Variants in IL17RE observed in about 807,000 individuals in gnomAD.
The protein encoded by IL17RE is interleukin-17 receptor E.
Under a neutral mutation model 70.7 loss-of-function variants are expected in IL17RE, and 47 were observed. The ratio of observed to expected loss-of-function variants is 0.67; its 90% CI spans 0.53 to 0.85. The LOEUF (loss-of-function observed/expected upper bound fraction) is 0.85. Ranked by LOEUF, IL17RE falls within the 40% of genes least tolerant of loss-of-function variation. IL17RE has a pLI of 0.00. For synonymous variants in IL17RE, 372 were observed against 381.2 expected (o/e 0.98, Z 0.28); for missense variants, 850 against 893.9 (o/e 0.95, Z 0.63).
chr3:9,908,345 G>C (rs745441241), intron 7 of IL17RE, 38 bp downstream of exon 7: 1 of 1,573,274 alleles, frequency 6.4e-7, no homozygotes, highest in South Asian at 1.1e-5. Context: ...CCATGGCTCT[G>C]CTCCTAAGCC....
rs780288678 is a variant in IL17RE at position 9,914,783 on chromosome 3, C to G, written c.1447+6C>G. 2 of 1,612,454 alleles carry G rather than the reference C, an allele frequency of 1.2e-6. No homozygotes were observed. Among genetic ancestry groups the G allele is most frequent in the East Asian group, 2.2e-5 (1 of 44,870 alleles). On this transcript the variant is annotated splice_donor_region_variant and intron_variant, in intron 15 of 15. Transcript: ENST00000383814. ...CTGCCGGCGCCCACAGTCAGGTAAGCTCACCTGGGGTAACCTGGGAAGTCA... is the reference window on the plus strand; with the variant it reads ...CTGCCGGCGCCCACAGTCAGGTAAGGTCACCTGGGGTAACCTGGGAAGTCA...
In IL17RE at chr3:9,915,722, T is replaced by A; in HGVS notation, c.1919T>A (p.Leu640His). ...PFAEATSWGRLGARQRRQSRL... is the reference protein window; with the variant it reads ...PFAEATSWGRHGARQRRQSRL... Reference sequence around the variant, plus strand: ...GCAGAGGCCACCAGCTGGGGCCGCCTTGGGGCGCGGCAGCGCAGGCAGAGC... The same window carrying A: ...GCAGAGGCCACCAGCTGGGGCCGCCATGGGGCGCGGCAGCGCAGGCAGAGC... The change falls in exon 16 of 16, where the codon CTT becomes CAT. Residue 640 changes from leucine (L) to histidine (H), a missense_variant. Coordinates refer to ENST00000383814, the MANE Select transcript of IL17RE (RefSeq NM_153480.2). This position sits in a 1 kb window ranked among gnomAD's most constrained non-coding sequence, Gnocchi z 4.9. The A allele has an allele frequency of 7.0e-7, 1 of 1,435,536 alleles. No homozygotes were observed. The highest frequency in any genetic ancestry group is 9.0e-7 in the Non-Finnish European group (1 of 1,107,522). The allele number at this position is 1,435,536 out of a possible 1,614,324, so 88.9% of individuals were successfully genotyped here.
rs2083055133 is a variant in IL17RE at position 9,915,994 on chromosome 3, T to G, written c.*187T>G. ...TCCCCGCGCGCGTCCCTCTTCCTCC[T>G]CATACTTTCCCTTGACTGAGAGCTC... On this transcript the variant is annotated 3_prime_UTR_variant, in exon 16 of 16. Coordinates refer to ENST00000383814, the MANE Select transcript of IL17RE (RefSeq NM_153480.2). This position sits in a 1 kb window ranked among gnomAD's most constrained non-coding sequence, Gnocchi z 4.9. 9.3e-7 allele frequency: 1 copy of G among 1,079,854 alleles called. No individual in the cohort carries two copies. Among genetic ancestry groups the G allele is most frequent in the East Asian group, 3.3e-5 (1 of 30,768 alleles). The allele number at this position is 1,079,854 out of a possible 1,614,324, so 66.9% of individuals were successfully genotyped here. A position where few individuals can be genotyped will look rare whatever the true frequency, so the allele number is the denominator to read the frequency against.
chr3:9,902,636 G>A (rs1009272505), upstream of IL17RE: 21 of 1,536,040 alleles, frequency 1.4e-5, no homozygotes, highest in Non-Finnish European at 1.8e-5. Flanking sequence ...CCCCCAACCT[G>A]ATGCTAGCCC....
intron 8 of IL17RE, 78 bp from the exon 9 acceptor site, chr3:9,910,787 G>T: frequency 7.7e-7 from 1 of 1,301,160 alleles, no homozygotes; most frequent in Non-Finnish European, 1.1e-6. Context: ...ATTATCTCCA[G>T]CTGCCCCCAG....
intron 8 of IL17RE, 115 bp from the exon 9 acceptor site, chr3:9,910,750 G>A: frequency 1.2e-6 from 1 of 816,812 alleles, no homozygotes; most frequent in Non-Finnish European, 1.9e-6. Context: ...GTTCTGGCCA[G>A]GAATAGTGCT....
At chr3:9,913,704 A>G (rs1199007106) in intron 12 of IL17RE, among the ~76,000 whole-genome samples, 2 of 152,252 alleles carry the variant, frequency 1.3e-5, no homozygotes, top group African/African-American at 4.8e-5. Context: ...TTCTTTCCTC[A>G]GGGCTTGGCA....
At chr3:9,908,639 C>T (rs2082815143) in intron 7 of IL17RE, among the ~76,000 whole-genome samples, 1 of 152,248 alleles carries the variant, frequency 6.6e-6, no homozygotes, top group African/African-American at 2.4e-5. Context: ...GGAGTGTGTG[C>T]ATGGCCACTG....
rs1381169705 is a variant in IL17RE at position 9,902,932 on chromosome 3, C to T, written c.-1C>T. 3 of 1,614,128 alleles carry T rather than the reference C, an allele frequency of 1.9e-6. No individual in the cohort carries two copies. The highest frequency in any genetic ancestry group is 1.3e-5 in the African/African-American group (1 of 74,946). ...CGGGAGCCCTAATTGCACAGAAGCC[C>T]ATGGGGAGCTCCAGACTGGCAGCCC... is the stretch of plus-strand genomic sequence containing the variant. On this transcript the variant is annotated 5_prime_UTR_variant, in exon 1 of 16. Transcript: ENST00000383814.
intron 3 of IL17RE, among the ~76,000 whole-genome samples, chr3:9,904,874 G>A (rs1454812865): frequency 2.0e-5 from 3 of 152,048 alleles, no homozygotes; most frequent in Middle Eastern, 6.4e-3. Flanking sequence ...TGGGTGGATC[G>A]CTTGAGTCCT....
rs894613574 is a variant in IL17RE at position 9,912,589 on chromosome 3, C to T, written c.1227+992C>T. Among the ~76,000 whole-genome samples the T allele has an allele frequency of 5.3e-5, 8 of 152,226 alleles. No individual in the cohort carries two copies. In the East Asian group the frequency reaches 9.6e-4, roughly 18 times the overall value. ...GTACACCCTCAATACCACAGCACCA[C>T]GCTGACTAAGCATGACTAGCTCTTT... is the stretch of plus-strand genomic sequence containing the variant. On this transcript the variant is annotated intron_variant, in intron 12 of 15. Coordinates refer to ENST00000383814, the MANE Select transcript of IL17RE (RefSeq NM_153480.2).
chr3:9,916,070 G>T lies in IL17RE; in HGVS notation c.*263G>T, dbSNP rs2083059117. Reference sequence around the variant, plus strand: ...GGGCGGTCTTCCCACTTCCTCTCCAGAACTCCAGAAAGAGCAGTGTGCTTA... The same window carrying T: ...GGGCGGTCTTCCCACTTCCTCTCCATAACTCCAGAAAGAGCAGTGTGCTTA... On this transcript the variant is annotated 3_prime_UTR_variant, in exon 16 of 16. Coordinates refer to ENST00000383814, the MANE Select transcript of IL17RE (RefSeq NM_153480.2). 1 of 446,022 alleles carries T rather than the reference G, an allele frequency of 2.2e-6. No individual in the cohort carries two copies. The highest frequency in any genetic ancestry group is 4.0e-5 in the East Asian group (1 of 25,194). The allele number at this position is 446,022 out of a possible 1,614,324, so 27.6% of individuals were successfully genotyped here. A position where few individuals can be genotyped will look rare whatever the true frequency, so the allele number is the denominator to read the frequency against.
At chr3:9,904,174 C>T in intron 3 of IL17RE, 23 bp downstream of exon 3, 5 of 1,612,750 alleles carry the variant, frequency 3.1e-6, no homozygotes, top group Non-Finnish European at 4.2e-6. Context: ...GCCCCTTGGG[C>T]CATTCTCAGT....
Position 9,914,683 on chromosome 3 carries a change from TTACAGA to T in IL17RE, c.1354_1359del (p.Tyr452_Arg453del). ...GCCTCATCCTGCTTGACTCAGTCTCTTACAGACACCTGGGGCTCTTGATCCTGGCAC... is the reference window on the plus strand; with the variant it reads ...GCCTCATCCTGCTTGACTCAGTCTCTCACCTGGGGCTCTTGATCCTGGCAC... On this transcript the variant is annotated inframe_deletion, in exon 15 of 16. Transcript: ENST00000383814. 1 of 1,614,130 alleles carries T rather than the reference TTACAGA, an allele frequency of 6.2e-7. No individual in the cohort carries two copies. Among genetic ancestry groups the T allele is most frequent in the Non-Finnish European group, 8.5e-7 (1 of 1,179,996 alleles).
chr3:9,912,310 C>T (rs907449472), intron 12 of IL17RE, among the ~76,000 whole-genome samples: 7 of 152,074 alleles, frequency 4.6e-5, no homozygotes, highest in African/African-American at 1.4e-4. Context: ...CCAAAAAGGT[C>T]GGGGACCACT....
At chr3:9,903,135 C>A in intron 1 of IL17RE, 71 bp downstream of exon 1, 1 of 1,365,788 alleles carries the variant, frequency 7.3e-7, no homozygotes, top group Non-Finnish European at 1.0e-6. Flanking sequence ...CCTGCCTGCC[C>A]TGTGCTACCT....
At chr3:9,914,442 T>G in intron 13 of IL17RE, 106 bp from the exon 14 acceptor site, 1 of 1,546,042 alleles carries the variant, frequency 6.5e-7, no homozygotes, top group Non-Finnish European at 8.7e-7. Context: ...TGGGAAGAAT[T>G]CCCTAGCCAG....
chr3:9,910,607 C>T (rs2082867956), intron 8 of IL17RE, among the ~76,000 whole-genome samples: 1 of 152,104 alleles, frequency 6.6e-6, no homozygotes, highest in African/African-American at 2.4e-5. Context: ...ATCGCTTGAA[C>T]CCAGGACACA....
intron 8 of IL17RE, chr3:9,909,695 T>C (rs1307747149): frequency 5.6e-6 from 1 of 179,358 alleles, no homozygotes; most frequent in East Asian, 1.5e-4. Context: ...ATATTACATA[T>C]GAAAGTGGCT....
Sources: gnomAD v4.1 joint callset for allele counts (sites outside exome capture counted in the v4.1 genomes callset) on GRCh38, gnomAD v4.1.1 for gene constraint, Gnocchi (gnomAD v3.1) non-coding constraint, MANE v1.5 for transcripts, NCBI Gene and HGNC (gene_info 2026-07-23, HGNC 2026-07-21) for gene names.